SLCO1C1: variants seen among roughly 807,000 people sequenced by gnomAD.
SLCO1C1 encodes the protein OAT-RP-5.
SLCO1C1 carries 70 observed loss-of-function variants against 76.4 expected under a neutral mutation model. That is an observed-to-expected ratio of 0.92 (90% CI 0.76 to 1.12). The LOEUF (loss-of-function observed/expected upper bound fraction) is 1.12, where lower values mean the gene tolerates loss of function less well. SLCO1C1 is among the 50% of genes most tolerant of loss of function. The probability of loss-of-function intolerance (pLI) is 0.00; values close to 1 mark genes in which losing one functional copy is unlikely to be tolerated. For synonymous variants in SLCO1C1, 306 were observed against 286.1 expected (o/e 1.07, Z -0.70); for missense variants, 912 against 823.8 (o/e 1.11, Z -1.31).
chr12:20,740,582 C>T (rs1948756143), intron 12 of SLCO1C1, among the ~76,000 whole-genome samples: 1 of 151,388 alleles, frequency 6.6e-6, no homozygotes, highest in African/African-American at 2.4e-5. Context: ...TGTTTGCAAA[C>T]TATTGGTCTA....
chr12:20,746,871 A>G (rs1486756804), intron 13 of SLCO1C1, among the ~76,000 whole-genome samples: 1 of 152,102 alleles, frequency 6.6e-6, no homozygotes. Context: ...ATTGCTCTGA[A>G]GAGTCATCAA....
intron 13 of SLCO1C1, among the ~76,000 whole-genome samples, chr12:20,748,780 G>C (rs1949163095): frequency 6.6e-6 from 1 of 151,914 alleles, no homozygotes; most frequent in African/African-American, 2.4e-5. Context: ...TTGTGAGTAT[G>C]TCCAGGTAAA....
chr12:20,725,307 G>A (rs1003768805), intron 9 of SLCO1C1, among the ~76,000 whole-genome samples: 1 of 129,358 alleles, frequency 7.7e-6, no homozygotes, highest in African/African-American at 2.8e-5. Flanking sequence ...ATATATTATA[G>A]CATATTACAC....
intron 6 of SLCO1C1, among the ~76,000 whole-genome samples, chr12:20,716,728 G>A (rs2120713717): frequency 6.6e-6 from 1 of 151,930 alleles, no homozygotes; most frequent in Non-Finnish European, 1.5e-5. Flanking sequence ...TTCTAAGGTG[G>A]TAGAAATCCA....
rs1314915095 is a variant in SLCO1C1 at position 20,700,940 on chromosome 12, T to C, written c.130-378T>C. 2.6e-5 allele frequency among the ~76,000 whole-genome samples: 4 copies of C among 152,214 alleles called. No individual in the cohort carries two copies. In the East Asian group the frequency reaches 7.7e-4, roughly 29 times the overall value. On this transcript the variant is annotated intron_variant, in intron 2 of 14. Transcript: ENST00000266509. ...CCCAAGTGCTGGACTTGTTATAGGA[T>C]GTCAAGTGTTTGGCTTATGGTTTCA... is the stretch of plus-strand genomic sequence containing the variant.
chr12:20,733,478 G>A (rs1948392631), intron 10 of SLCO1C1, among the ~76,000 whole-genome samples: 1 of 152,142 alleles, frequency 6.6e-6, no homozygotes, highest in Admixed American at 6.5e-5. Context: ...AAAAACAGAA[G>A]TAATAACTAC....
At chr12:20,746,917 T>C (rs1384220001) in intron 13 of SLCO1C1, among the ~76,000 whole-genome samples, 1 of 151,980 alleles carries the variant, frequency 6.6e-6, no homozygotes, top group Non-Finnish European at 1.5e-5. Flanking sequence ...TGGATCCTTA[T>C]AAAAACAAAC....
At chr12:20,698,403 G>A (rs1445299728) in intron 1 of SLCO1C1, among the ~76,000 whole-genome samples, 1 of 151,844 alleles carries the variant, frequency 6.6e-6, no homozygotes, top group Non-Finnish European at 1.5e-5. Context: ...ACTCCCTAGA[G>A]GAATCCACTT....
At chr12:20,740,787 T>TTATATATATATA (rs71039980) in intron 12 of SLCO1C1, among the ~76,000 whole-genome samples, 1,581 of 74,888 alleles carry the variant, frequency 0.021, 48 homozygotes, top group African/African-American at 0.036. Context: ...TTTATTTTAT[T>TTATATATATATA]TATATATATA....
chr12:20,739,909 C>T (rs1948721097), intron 11 of SLCO1C1, among the ~76,000 whole-genome samples: 1 of 152,044 alleles, frequency 6.6e-6, no homozygotes, highest in Non-Finnish European at 1.5e-5. Flanking sequence ...GAAGTGGTAG[C>T]GAAGGAGGTA....
chr12:20,731,186 C>T (rs1375564922), intron 9 of SLCO1C1, among the ~76,000 whole-genome samples: 1 of 152,268 alleles, frequency 6.6e-6, no homozygotes. Context: ...TGCCTTCAGC[C>T]AAACTATCTG....
chr12:20,750,734 G>C lies in SLCO1C1; in HGVS notation c.1858G>C (p.Gly620Arg), dbSNP rs759029097. The change falls in exon 14 of 15, where the codon GGA becomes CGA. Residue 620 changes from glycine to arginine, a missense_variant. Gly to Arg is a moderately radical substitution (Grantham distance 125). Coordinates refer to ENST00000266509, the MANE Select transcript of SLCO1C1 (RefSeq NM_017435.5). The stretch of plus-strand genomic sequence containing the variant: ...GATTGATACTTCATGCCTCAAATGG[G>C]GATTTAAAAGATGTGGAAGTAGAGG... Reference protein sequence around the residue: ...VLIDTSCLKWGFKRCGSRGSC... With the variant: ...VLIDTSCLKWRFKRCGSRGSC... The C allele has an allele frequency of 2.3e-5, 37 of 1,613,836 alleles. No homozygotes were observed. Among genetic ancestry groups the C allele is most frequent in the Admixed American group, 8.3e-5 (5 of 59,992 alleles).
intron 12 of SLCO1C1, among the ~76,000 whole-genome samples, chr12:20,742,829 C>T (rs1242723208): frequency 6.6e-6 from 1 of 152,086 alleles, no homozygotes; most frequent in Non-Finnish European, 1.5e-5. Context: ...GCCACCGCGC[C>T]TGGCCTCTGA....
chr12:20,746,211 T>C (rs759403733), intron 13 of SLCO1C1, among the ~76,000 whole-genome samples: 12 of 152,118 alleles, frequency 7.9e-5, no homozygotes, highest in African/African-American at 2.9e-4. Context: ...AAACTCAAAA[T>C]AGTAGCAACC....
intron 9 of SLCO1C1, among the ~76,000 whole-genome samples, chr12:20,725,613 G>A (rs1055307676): frequency 6.1e-5 from 9 of 147,694 alleles, no homozygotes; most frequent in Non-Finnish European, 1.5e-5. Context: ...TTAACTAATA[G>A]TTATTTATAA....
rs1459738693 is a variant in SLCO1C1, at chr12:20,740,816, T to TAC, written c.1733+449_1733+450insCA. ...ATATATATATATATATATATATATA[T>TAC]ATGGCTTTATCTGTATATTTTTGCC... On this transcript the variant is annotated intron_variant, in intron 12 of 14. Transcript: ENST00000266509. Among the ~76,000 whole-genome samples, 12 of 133,132 alleles carry TAC rather than the reference T, an allele frequency of 9.0e-5. 1 individual carries two copies. The highest frequency in any genetic ancestry group is 1.5e-4 in the Non-Finnish European group (9 of 61,566). The allele number at this position is 133,132 out of a possible 152,430, so 87.3% of individuals were successfully genotyped here.
At chr12:20,731,126 C>A (rs188965461) in intron 9 of SLCO1C1, among the ~76,000 whole-genome samples, 126 of 152,256 alleles carry the variant, frequency 8.3e-4, no homozygotes, top group Non-Finnish European at 4.3e-4. Flanking sequence ...CCCCTATATT[C>A]CTTTGTATCT....
chr12:20,702,414 TC>T (rs148283480), intron 3 of SLCO1C1, among the ~76,000 whole-genome samples: 3,867 of 152,014 alleles, frequency 0.025, 143 homozygotes, highest in African/African-American at 0.089. Flanking sequence ...TTGTCATCCT[TC>T]CAGAATGACA....
At chr12:20,705,897 T>A in intron 3 of SLCO1C1, 52 bp from the exon 4 acceptor site, 1 of 1,578,042 alleles carries the variant, frequency 6.3e-7, no homozygotes, top group South Asian at 1.1e-5. Context: ...GTTATGCTGT[T>A]GACTTCTTTC....
Sources: allele counts gnomAD v4.1 joint callset (sites outside exome capture counted in the v4.1 genomes callset), GRCh38; gene constraint gnomAD v4.1.1; transcripts MANE v1.5; gene names NCBI Gene and HGNC (gene_info 2026-07-23, HGNC 2026-07-21).